DLGAP2: variants seen among roughly 807,000 people sequenced by gnomAD.
DLGAP2 encodes disks large-associated protein 2.
DLGAP2 carries 26 observed loss-of-function variants against 100.3 expected under a neutral mutation model. The ratio of observed to expected loss-of-function variants is 0.26; its 90% CI spans 0.19 to 0.36. DLGAP2 has a LOEUF of 0.36. DLGAP2 is among the 10% of genes least tolerant of loss of function. The pLI, the probability that DLGAP2 is intolerant of heterozygous loss-of-function variation, is 1.00. For synonymous variants in DLGAP2, 886 were observed against 630.1 expected (o/e 1.41, Z -6.08); for missense variants, 1,858 against 1,453.2 (o/e 1.28, Z -4.53).
At chr8:1,173,729 C>G (rs116485224) in intron 2 of DLGAP2, among the ~76,000 whole-genome samples, 1 of 152,086 alleles carries the variant, frequency 6.6e-6, no homozygotes, top group Non-Finnish European at 1.5e-5. Context: ...TTAAGCCCAT[C>G]GGAAAAAGCA....
At chr8:1,614,385 G>C (rs1797081229) in intron 6 of DLGAP2, among the ~76,000 whole-genome samples, 2 of 152,250 alleles carry the variant, frequency 1.3e-5, no homozygotes, top group African/African-American at 2.4e-5. Context: ...CTCACAGTCA[G>C]TGCTGCTGGT....
chr8:864,336 A>G (rs892766533), intron 1 of DLGAP2, among the ~76,000 whole-genome samples: 2 of 152,146 alleles, frequency 1.3e-5, no homozygotes, highest in Non-Finnish European at 2.9e-5. Context: ...AAGATTTGGA[A>G]TGTTCTCAAC....
rs192806843 is a variant in DLGAP2 at position 840,475 on chromosome 8, T to A, written c.19-67437T>A. The stretch of plus-strand genomic sequence containing the variant: ...GGAGCGCGTCTACACGGTACATGCC[T>A]GCACGTCTCCCTACACTCTGGATTC... On this transcript the variant is annotated intron_variant, in intron 1 of 14. Coordinates refer to ENST00000637795, the MANE Select transcript of DLGAP2 (RefSeq NM_001346810.2). Among the ~76,000 whole-genome samples the A allele has an allele frequency of 7.6e-4, 102 of 133,480 alleles. 5 individuals carry two copies. Among genetic ancestry groups the A allele is most frequent in the African/African-American group, 2.6e-3 (89 of 34,248 alleles). The allele number at this position is 133,480 out of a possible 152,430, so 87.6% of individuals were successfully genotyped here.
At chr8:1,542,921 G>T (rs1323680165) in intron 4 of DLGAP2, among the ~76,000 whole-genome samples, 2 of 152,148 alleles carry the variant, frequency 1.3e-5, no homozygotes, top group African/African-American at 4.8e-5. Flanking sequence ...GGGCTTGAGT[G>T]GTACCGCACT....
chr8:1,311,415 C>T (rs1410146134), intron 3 of DLGAP2, among the ~76,000 whole-genome samples: 1 of 152,166 alleles, frequency 6.6e-6, no homozygotes, highest in Non-Finnish European at 1.5e-5. Flanking sequence ...GAAACAATTC[C>T]TAACACATTC....
chr8:1,378,085 G>C (rs1176867798), intron 3 of DLGAP2: 1 of 156,608 alleles, frequency 6.4e-6, no homozygotes, highest in Non-Finnish European at 1.4e-5. Context: ...CCCGTCTCAA[G>C]ATATCTGGAC....
chr8:1,606,272 A>G (rs1218510230), intron 6 of DLGAP2, among the ~76,000 whole-genome samples: 1 of 151,744 alleles, frequency 6.6e-6, no homozygotes, highest in African/African-American at 2.4e-5. Flanking sequence ...TTATGATTTA[A>G]GAACCATACA....
intron 2 of DLGAP2, among the ~76,000 whole-genome samples, chr8:1,186,236 C>T (rs1387869412): frequency 3.3e-5 from 5 of 152,256 alleles, no homozygotes; most frequent in Non-Finnish European, 5.9e-5. Context: ...GGTGCCCTAG[C>T]AGCAGCTATG....
chr8:1,375,360 C>T (rs1328177060), intron 3 of DLGAP2, among the ~76,000 whole-genome samples: 1 of 52,020 alleles, frequency 1.9e-5, no homozygotes, highest in Non-Finnish European at 3.4e-5. Flanking sequence ...TCCACGGCCT[C>T]AGAACTGAGC....
chr8:884,086 T>C (rs530766221), intron 1 of DLGAP2, among the ~76,000 whole-genome samples: 1 of 152,242 alleles, frequency 6.6e-6, no homozygotes, highest in South Asian at 2.1e-4. Context: ...TTGTGAATAG[T>C]GCTGCAATAA....
At chr8:1,173,917 G>A (rs1246215589) in intron 2 of DLGAP2, among the ~76,000 whole-genome samples, 1 of 152,178 alleles carries the variant, frequency 6.6e-6, no homozygotes, top group Non-Finnish European at 1.5e-5. Flanking sequence ...GCACTCCCTA[G>A]TGAGATGAAC....
chr8:968,446 G>A (rs187208128), intron 2 of DLGAP2, among the ~76,000 whole-genome samples: 1 of 152,274 alleles, frequency 6.6e-6, no homozygotes, highest in East Asian at 1.9e-4. Context: ...GAACTCCAGA[G>A]CCTGTGCCTC....
intron 3 of DLGAP2, among the ~76,000 whole-genome samples, chr8:1,447,331 C>T (rs1199584542): frequency 2.6e-5 from 4 of 152,138 alleles, no homozygotes; most frequent in Non-Finnish European, 5.9e-5. Context: ...TTTTCTGCAT[C>T]TATTGAGATA....
intron 6 of DLGAP2, among the ~76,000 whole-genome samples, chr8:1,617,870 A>G (rs1341514042): frequency 2.0e-5 from 3 of 152,274 alleles, no homozygotes; most frequent in African/African-American, 4.8e-5. Context: ...AGGAACAAGT[A>G]TATGAATAGG....
intron 2 of DLGAP2, among the ~76,000 whole-genome samples, chr8:1,089,238 T>C (rs1804091195): frequency 6.6e-6 from 1 of 152,216 alleles, no homozygotes; most frequent in Non-Finnish European, 1.5e-5. Context: ...AAAGTAAAAA[T>C]GAAAGTAACA....
At chr8:1,694,483 G>A (rs1352562956) in intron 13 of DLGAP2, among the ~76,000 whole-genome samples, 6 of 152,176 alleles carry the variant, frequency 3.9e-5, no homozygotes, top group Non-Finnish European at 7.3e-5. Context: ...TCTCAGGGTC[G>A]GGATGTGCAG....
intron 2 of DLGAP2, among the ~76,000 whole-genome samples, chr8:1,076,942 C>G (rs1365966183): frequency 2.3e-5 from 3 of 127,694 alleles, no homozygotes; most frequent in Non-Finnish European, 4.9e-5. Flanking sequence ...GAGTCTGTCC[C>G]GGGCCCCCCA....
chr8:1,419,917 T>A (rs1393299797), intron 3 of DLGAP2, among the ~76,000 whole-genome samples: 1 of 152,160 alleles, frequency 6.6e-6, no homozygotes, highest in African/African-American at 2.4e-5. Context: ...GGAATCGACC[T>A]GAGTGTCCAT....
At chr8:1,412,729 G>A (rs74493102) in intron 3 of DLGAP2, among the ~76,000 whole-genome samples, 12 of 152,292 alleles carry the variant, frequency 7.9e-5, no homozygotes, top group Non-Finnish European at 1.5e-4. Flanking sequence ...TGGGCACTTA[G>A]CAAGACCTCT....
Sources: allele counts gnomAD v4.1 joint callset (sites outside exome capture counted in the v4.1 genomes callset), GRCh38; gene constraint gnomAD v4.1.1; transcripts MANE v1.5; gene names NCBI Gene and HGNC (gene_info 2026-07-23, HGNC 2026-07-21).